Variants in ROBO1 observed in about 807,000 individuals in gnomAD.
ROBO1 encodes the protein roundabout guidance receptor 1.
ROBO1 carries 149 observed loss-of-function variants against 195.9 expected under a neutral mutation model. That is an observed-to-expected ratio of 0.76 (90% CI 0.67 to 0.87). The LOEUF is 0.87. ROBO1 is among the 40% of genes least tolerant of loss of function. The pLI is 0.00. For missense variants in ROBO1, 1,933 were observed against 2,068.3 expected, an observed-to-expected ratio of 0.93 and a Z score of 1.27; for synonymous variants, 816 against 733.2, an observed-to-expected ratio of 1.11 and a Z score of -1.82.
intron 3 of ROBO1, among the ~76,000 whole-genome samples, chr3:79,045,770 A>T (rs2078578984): frequency 6.6e-6 from 1 of 152,144 alleles, no homozygotes; most frequent in African/African-American, 2.4e-5. Context: ...TAAAATCAAT[A>T]CTTATTAAGC....
intron 10 of ROBO1, among the ~76,000 whole-genome samples, chr3:78,679,893 A>T (rs1575917242): frequency 6.6e-6 from 1 of 152,212 alleles, no homozygotes; most frequent in East Asian, 1.9e-4. Context: ...AAGCCAAAAG[A>T]ACAAAGCTGG....
At chr3:79,604,700 TG>T (rs1290069510) in intron 1 of ROBO1, among the ~76,000 whole-genome samples, 1 of 152,028 alleles carries the variant, frequency 6.6e-6, no homozygotes, top group Non-Finnish European at 1.5e-5. Context: ...GTCTTTTGCA[TG>T]GCAAAATAAT....
intron 2 of ROBO1, among the ~76,000 whole-genome samples, chr3:79,439,520 T>C (rs969642210): frequency 2.6e-5 from 4 of 152,092 alleles, no homozygotes; most frequent in Non-Finnish European, 4.4e-5. Flanking sequence ...AGGACACATA[T>C]ATATTGTCTT....
At chr3:79,471,835 A>G (rs1483630228) in intron 2 of ROBO1, among the ~76,000 whole-genome samples, 1 of 151,976 alleles carries the variant, frequency 6.6e-6, no homozygotes, top group Non-Finnish European at 1.5e-5. Flanking sequence ...TGTCACAAGA[A>G]CAGAAAACCA....
At chr3:79,370,535 C>T (rs1190489713) in intron 2 of ROBO1, among the ~76,000 whole-genome samples, 2 of 151,962 alleles carry the variant, frequency 1.3e-5, no homozygotes, top group Admixed American at 6.6e-5. Context: ...CATGGTCATC[C>T]GTCCACAACA....
chr3:79,004,451 G>A (rs73122652), intron 3 of ROBO1, among the ~76,000 whole-genome samples: 9 of 152,234 alleles, frequency 5.9e-5, no homozygotes, highest in East Asian at 5.8e-4. Context: ...ACAGACTCTC[G>A]TAGTTTGAAA....
intron 29 of ROBO1, among the ~76,000 whole-genome samples, chr3:78,602,638 T>C (rs1307585257): frequency 6.6e-6 from 1 of 152,212 alleles, no homozygotes; most frequent in African/African-American, 2.4e-5. Context: ...TGATATACTT[T>C]CATCTTGACC....
At chr3:78,814,017 A>T (rs1344581880) in intron 4 of ROBO1, among the ~76,000 whole-genome samples, 2 of 152,002 alleles carry the variant, frequency 1.3e-5, no homozygotes. Flanking sequence ...ACTTCGGTAT[A>T]TGCCAGTTTT....
intron 1 of ROBO1, among the ~76,000 whole-genome samples, chr3:79,681,319 G>A (rs1023526495): frequency 1.3e-5 from 2 of 151,344 alleles, no homozygotes; most frequent in Non-Finnish European, 3.0e-5. Flanking sequence ...AGAGCAGAAA[G>A]CAGGAACAGC....
chr3:79,019,576 C>A (rs938243358), intron 3 of ROBO1: 5 of 984,618 alleles, frequency 5.1e-6, no homozygotes, highest in East Asian at 1.1e-4. Flanking sequence ...ATTCTCCAGG[C>A]GCTGGTCAGG....
At chr3:79,689,974 A>G (rs188600240) in intron 1 of ROBO1, among the ~76,000 whole-genome samples, 8 of 152,156 alleles carry the variant, frequency 5.3e-5, no homozygotes, top group African/African-American at 1.9e-4. Flanking sequence ...AAATCAGTGA[A>G]GTGATTAATC....
chr3:79,025,364 C>T, intron 3 of ROBO1, among the ~76,000 whole-genome samples: 1 of 152,214 alleles, frequency 6.6e-6, no homozygotes, highest in East Asian at 1.9e-4. Flanking sequence ...AGCACTTATT[C>T]ACATCTAAGA....
At chr3:78,613,055 A>G (rs1703911144) in intron 28 of ROBO1, among the ~76,000 whole-genome samples, 1 of 152,244 alleles carries the variant, frequency 6.6e-6, no homozygotes, top group African/African-American at 2.4e-5. Context: ...AACGTGGGAC[A>G]ATAAATACAG....
At chr3:79,260,200 C>T (rs900062288) in intron 2 of ROBO1, among the ~76,000 whole-genome samples, 3 of 151,422 alleles carry the variant, frequency 2.0e-5, no homozygotes, top group Non-Finnish European at 4.4e-5. Context: ...AATTATACAA[C>T]CAAAAATCCC....
At chr3:79,208,687 A>ATG (rs59970776) in intron 2 of ROBO1, among the ~76,000 whole-genome samples, 26,448 of 145,096 alleles carry the variant, frequency 0.18, 3,155 homozygotes, top group African/African-American at 0.35. Context: ...GTGGTGGGGC[A>ATG]TGTGTGTGTG....
chr3:79,146,807 T>C (rs1351402923), intron 2 of ROBO1, among the ~76,000 whole-genome samples: 1 of 151,872 alleles, frequency 6.6e-6, no homozygotes, highest in African/African-American at 2.4e-5. Flanking sequence ...TAGATCTTAG[T>C]TGAATCTGAT....
intron 1 of ROBO1, among the ~76,000 whole-genome samples, chr3:79,613,085 T>C (rs1159543176): frequency 6.6e-6 from 1 of 151,966 alleles, no homozygotes; most frequent in African/African-American, 2.4e-5. Flanking sequence ...TGTCCTTAGC[T>C]TGAGTAACAT....
intron 2 of ROBO1, among the ~76,000 whole-genome samples, chr3:79,196,019 T>C (rs1576800210): frequency 6.6e-6 from 1 of 151,668 alleles, no homozygotes. Flanking sequence ...AGCACCTACT[T>C]CATGCCAGGC....
chr3:79,019,243 TA>T, intron 3 of ROBO1: 1 of 985,662 alleles, frequency 1.0e-6, no homozygotes, highest in Non-Finnish European at 1.2e-6. Flanking sequence ...ACCCCTAAAC[TA>T]CGCAGAAGCC....
Sources: gnomAD v4.1 joint callset for allele counts (sites outside exome capture counted in the v4.1 genomes callset) on GRCh38, gnomAD v4.1.1 for gene constraint, MANE v1.5 for transcripts, NCBI Gene and HGNC (gene_info 2026-07-23, HGNC 2026-07-21) for gene names.